CDK14: variants seen among roughly 807,000 people sequenced by gnomAD.
The protein encoded by CDK14 is cyclin dependent kinase 14.
A neutral mutation model predicts 60.7 loss-of-function variants in CDK14; 34 were observed. The ratio of observed to expected loss-of-function variants is 0.56; its 90% CI spans 0.43 to 0.75. The LOEUF is 0.75. Ranked by LOEUF, CDK14 falls within the 30% of genes least tolerant of loss-of-function variation. The pLI, the probability that CDK14 is intolerant of heterozygous loss-of-function variation, is 0.00. For missense variants in CDK14, 482 were observed against 564.1 expected (o/e 0.85, Z 1.47); for synonymous variants, 197 against 203.7 (o/e 0.97, Z 0.28).
rs1470527039 is a variant in CDK14 at position 90,596,508 on chromosome 7, G to C, written c.-120G>C. Reference sequence around the variant, plus strand: ...TCCCTAGACCTGCGCGTCGCTTCCCGGCCCGCCGAGGAGGTGGTGGAGGAG... The same window carrying C: ...TCCCTAGACCTGCGCGTCGCTTCCCCGCCCGCCGAGGAGGTGGTGGAGGAG... On this transcript the variant is annotated 5_prime_UTR_variant, in exon 1 of 15. Transcript: ENST00000380050. 3.9e-6 allele frequency: 3 copies of C among 768,054 alleles called. No homozygotes were observed. The highest frequency in any genetic ancestry group is 2.7e-5 in the East Asian group (1 of 36,554). 47.6% of individuals were successfully genotyped at this position (768,054 alleles called of 1,614,324 possible). A position where few individuals can be genotyped will look rare whatever the true frequency, so the allele number is the denominator to read the frequency against.
At chr7:90,765,745 G>A (rs950936318) in intron 4 of CDK14, among the ~76,000 whole-genome samples, 7 of 152,046 alleles carry the variant, frequency 4.6e-5, no homozygotes, top group Non-Finnish European at 1.0e-4. Flanking sequence ...GGAAAGAAAA[G>A]AGAACTAGAA....
chr7:91,022,841 G>A (rs940982), intron 10 of CDK14, among the ~76,000 whole-genome samples: 23,578 of 152,044 alleles, frequency 0.16, 1,980 homozygotes, highest in Middle Eastern at 0.28. Flanking sequence ...ATCTTTCTGA[G>A]CTGATATGCT....
chr7:91,123,772 C>T (rs1010080876), intron 14 of CDK14, among the ~76,000 whole-genome samples: 2 of 152,106 alleles, frequency 1.3e-5, no homozygotes, highest in East Asian at 1.9e-4. Context: ...TGCACCACTA[C>T]CACCCTAACC....
rs189435070 is a variant in CDK14 at position 90,609,081 on chromosome 7, C to A, written c.123+4832C>A. On this transcript the variant is annotated intron_variant, in intron 2 of 14. Coordinates refer to ENST00000380050, the MANE Select transcript of CDK14 (RefSeq NM_001287135.2). ...TCCCTTGGTCATCCAGTTTGGAGTACAGTGGTGCCATCGCGGCTCACTGCA... is the reference window on the plus strand; with the variant it reads ...TCCCTTGGTCATCCAGTTTGGAGTAAAGTGGTGCCATCGCGGCTCACTGCA... 2.6e-5 allele frequency among the ~76,000 whole-genome samples: 4 copies of A among 152,206 alleles called. No homozygotes were observed. In the East Asian group the frequency reaches 7.7e-4, roughly 29 times the overall value.
chr7:91,027,164 A>C (rs1033714978), intron 10 of CDK14, among the ~76,000 whole-genome samples: 1 of 152,260 alleles, frequency 6.6e-6, no homozygotes, highest in Non-Finnish European at 1.5e-5. Context: ...ACTGGAAAAT[A>C]ATGGGCCAAA....
intron 2 of CDK14, among the ~76,000 whole-genome samples, chr7:90,631,677 A>G (rs1404987790): frequency 6.6e-6 from 1 of 152,194 alleles, no homozygotes; most frequent in Non-Finnish European, 1.5e-5. Context: ...AGTAGTGCAC[A>G]GTGTACACAG....
chr7:91,063,799 T>G (rs1301144610), intron 11 of CDK14, among the ~76,000 whole-genome samples: 1 of 152,216 alleles, frequency 6.6e-6, no homozygotes, highest in Non-Finnish European at 1.5e-5. Context: ...ATATACCATA[T>G]GTCTCCTTCT....
chr7:90,702,601 A>G (rs1173122097), intron 2 of CDK14, among the ~76,000 whole-genome samples: 2 of 152,028 alleles, frequency 1.3e-5, no homozygotes, highest in African/African-American at 4.8e-5. Context: ...TTTTAATTTC[A>G]GTTTTTAATG....
Position 90,839,902 on chromosome 7 carries a change from C to T in CDK14, c.545-23273C>T, listed in dbSNP as rs182786291. Among the ~76,000 whole-genome samples, 1,185 of 152,132 alleles carry T rather than the reference C, an allele frequency of 7.8e-3. 17 individuals carry two copies. Among genetic ancestry groups the T allele is most frequent in the Non-Finnish European group, 9.4e-3 (640 of 68,004 alleles). On this transcript the variant is annotated intron_variant, in intron 5 of 14. Transcript: ENST00000380050. ...CATGCCTCCATCCTGTACTGACAGA[C>T]GGGTTTGCTTGCTGGGATGTTTACT... is the stretch of plus-strand genomic sequence containing the variant.
chr7:90,655,910 C>T (rs1452291682), intron 2 of CDK14, among the ~76,000 whole-genome samples: 1 of 152,190 alleles, frequency 6.6e-6, no homozygotes, highest in Non-Finnish European at 1.5e-5. Context: ...TGAGCCAGAA[C>T]ATATAAATTC....
intron 2 of CDK14, among the ~76,000 whole-genome samples, chr7:90,712,877 T>A (rs1373874857): frequency 6.6e-6 from 1 of 152,100 alleles, no homozygotes; most frequent in Non-Finnish European, 1.5e-5. Context: ...GAGGTCTTCT[T>A]ACAGAGTCAG....
rs34900577 is a variant in CDK14 at position 90,614,006 on chromosome 7, CTT to C, written c.123+9773_123+9774del. On this transcript the variant is annotated intron_variant, in intron 2 of 14. Coordinates refer to ENST00000380050, the MANE Select transcript of CDK14 (RefSeq NM_001287135.2). ...AGACTATTTTTTATAGTCCCAAACA[CTT>C]TTTTTTTTTTTTTTTGAGATGGAGT... Among the ~76,000 whole-genome samples, 322 of 130,780 alleles carry C rather than the reference CTT, an allele frequency of 2.5e-3. 1 individual carries two copies. Among genetic ancestry groups the C allele is most frequent in the African/African-American group, 6.9e-3 (239 of 34,538 alleles). 85.8% of individuals were successfully genotyped at this position (130,780 alleles called of 152,430 possible).
chr7:90,799,415 C>T (rs527914145), intron 5 of CDK14, among the ~76,000 whole-genome samples: 11 of 152,030 alleles, frequency 7.2e-5, no homozygotes, highest in Admixed American at 3.3e-4. Flanking sequence ...TGGCTGGGTG[C>T]GGTGGCTCAC....
chr7:90,995,116 A>G (rs1795645186), intron 10 of CDK14, among the ~76,000 whole-genome samples: 1 of 152,130 alleles, frequency 6.6e-6, no homozygotes, highest in Non-Finnish European at 1.5e-5. Flanking sequence ...TAATGGATAG[A>G]ATATGGCAAA....
chr7:91,170,002 A>G (rs534426174), intron 14 of CDK14, among the ~76,000 whole-genome samples: 1 of 152,312 alleles, frequency 6.6e-6, no homozygotes, highest in South Asian at 2.1e-4. Flanking sequence ...TTTTAAATTG[A>G]GGTACCTTCC....
intron 6 of CDK14, among the ~76,000 whole-genome samples, chr7:90,888,175 C>G (rs1305609028): frequency 6.6e-6 from 1 of 152,010 alleles, no homozygotes; most frequent in Non-Finnish European, 1.5e-5. Flanking sequence ...CATGGTGAAC[C>G]CCCCTCTCTA....
chr7:90,992,168 G>T (rs1051572180), intron 10 of CDK14, among the ~76,000 whole-genome samples: 2 of 152,210 alleles, frequency 1.3e-5, no homozygotes, highest in Non-Finnish European at 2.9e-5. Flanking sequence ...TTACATGAAA[G>T]CTAAGACAGT....
chr7:90,866,814 A>T (rs1791208553), intron 6 of CDK14, among the ~76,000 whole-genome samples: 1 of 152,182 alleles, frequency 6.6e-6, no homozygotes, highest in Non-Finnish European at 1.5e-5. Context: ...ACTCAAGGAA[A>T]TGACTTTGAA....
chr7:90,832,491 A>G (rs1445196898), intron 5 of CDK14, among the ~76,000 whole-genome samples: 6 of 152,132 alleles, frequency 3.9e-5, no homozygotes, highest in African/African-American at 1.2e-4. Context: ...TAGACAATTT[A>G]GTTTTTTTTT....
Sources: allele counts gnomAD v4.1 joint callset (sites outside exome capture counted in the v4.1 genomes callset), GRCh38; gene constraint gnomAD v4.1.1; transcripts MANE v1.5; gene names NCBI Gene and HGNC (gene_info 2026-07-23, HGNC 2026-07-21).